KCNS3: variants seen among roughly 807,000 people sequenced by gnomAD.
The protein encoded by KCNS3 is delayed-rectifier potassium channel regulatory subunit KCNS3.
KCNS3 carries 13 observed loss-of-function variants against 31.0 expected under a neutral mutation model. The observed-to-expected ratio is 0.42, with a 90% confidence interval of 0.27 to 0.67. KCNS3 has a LOEUF of 0.67. Ranked by LOEUF, KCNS3 falls within the 30% of genes least tolerant of loss-of-function variation. KCNS3 has a pLI of 0.25. For synonymous variants in KCNS3, 238 were observed against 241.5 expected (o/e 0.99, Z 0.13); for missense variants, 545 against 622.4 (o/e 0.88, Z 1.32).
intron 1 of KCNS3, among the ~76,000 whole-genome samples, chr2:17,889,224 C>T (rs542593443): frequency 4.6e-5 from 7 of 151,880 alleles, no homozygotes; most frequent in African/African-American, 9.6e-5. Flanking sequence ...TTTGATTCTC[C>T]GCTTGGTCGC....
At chr2:17,929,814 G>T (rs1662914801) in intron 2 of KCNS3, among the ~76,000 whole-genome samples, 1 of 152,192 alleles carries the variant, frequency 6.6e-6, no homozygotes, top group South Asian at 2.1e-4. Flanking sequence ...TTCAACCTGG[G>T]TTTAAATCTT....
At chr2:17,916,896 T>C (rs1662604278) in intron 1 of KCNS3, among the ~76,000 whole-genome samples, 2 of 151,964 alleles carry the variant, frequency 1.3e-5, no homozygotes, top group South Asian at 4.2e-4. Context: ...CTTTTGGACC[T>C]GGTGTGGATT....
At chr2:17,929,449 ACT>A (rs745326554) in intron 2 of KCNS3, among the ~76,000 whole-genome samples, 3 of 152,040 alleles carry the variant, frequency 2.0e-5, no homozygotes, top group Non-Finnish European at 4.4e-5. Flanking sequence ...TCTCATGAGA[ACT>A]CTGTCACGAG....
chr2:17,899,251 A>C (rs1219194155), intron 1 of KCNS3, among the ~76,000 whole-genome samples: 9 of 152,188 alleles, frequency 5.9e-5, no homozygotes, highest in African/African-American at 2.2e-4. Flanking sequence ...AAACAAAACA[A>C]AACAAAAAAA....
intron 1 of KCNS3, among the ~76,000 whole-genome samples, chr2:17,892,163 T>G (rs374606803): frequency 6.2e-4 from 94 of 152,246 alleles, no homozygotes; most frequent in African/African-American, 2.2e-3. Context: ...TTGGGTTAAT[T>G]CGAAGACCTT....
At chr2:17,908,144 A>T (rs1430294990) in intron 1 of KCNS3, among the ~76,000 whole-genome samples, 1 of 152,148 alleles carries the variant, frequency 6.6e-6, no homozygotes, top group African/African-American at 2.4e-5. Context: ...TATTTCTTGG[A>T]GGCTTTGTTC....
At chr2:17,886,742 GTCCATCCA>G (rs35391429) in intron 1 of KCNS3, among the ~76,000 whole-genome samples, 12 of 146,820 alleles carry the variant, frequency 8.2e-5, no homozygotes, top group African/African-American at 1.8e-4. Flanking sequence ...CCATTTAAAT[GTCCATCCA>G]TCCATCCATC....
chr2:17,892,825 T>G (rs1414965493), intron 1 of KCNS3, among the ~76,000 whole-genome samples: 1 of 152,210 alleles, frequency 6.6e-6, no homozygotes, highest in South Asian at 2.1e-4. Context: ...CAGTGCCTGT[T>G]GCAGTGGAGG....
chr2:17,888,025 G>GTT (rs138099414), intron 1 of KCNS3, among the ~76,000 whole-genome samples: 23 of 151,364 alleles, frequency 1.5e-4, no homozygotes, highest in African/African-American at 5.1e-4. Context: ...GGGATTTTTT[G>GTT]TTTTTTTTGT....
chr2:17,904,303 GTTGT>G (rs201622423), intron 1 of KCNS3, among the ~76,000 whole-genome samples: 31,881 of 151,438 alleles, frequency 0.21, 3,625 homozygotes, highest in East Asian at 0.45. Context: ...TGTTGATGGG[GTTGT>G]TTGTTTTTTT....
chr2:17,929,399 GA>G (rs1245856633), intron 2 of KCNS3, among the ~76,000 whole-genome samples: 1 of 152,206 alleles, frequency 6.6e-6, no homozygotes, highest in Non-Finnish European at 1.5e-5. Flanking sequence ...GAGAGAGAGA[GA>G]GTGAAGGGGG....
intron 1 of KCNS3, among the ~76,000 whole-genome samples, chr2:17,888,904 A>G (rs987579912): frequency 1.3e-5 from 2 of 151,728 alleles, no homozygotes; most frequent in Non-Finnish European, 2.9e-5. Flanking sequence ...TGCTTTGGTT[A>G]TATGGGCTCT....
chr2:17,931,212 C>T lies in KCNS3; in HGVS notation c.204C>T (p.Tyr68=). The change falls in exon 3 of 3, where the codon TAC becomes TAT. Residue 68 remains tyrosine, a synonymous_variant. Coordinates refer to ENST00000304101, the MANE Select transcript of KCNS3 (RefSeq NM_002252.5). The surrounding 1 kb of genome is among the most constrained non-coding windows in gnomAD (Gnocchi z 5.4). The part of the protein sequence containing the change: ...DDYSVADKEY[Y]FDRNPSLFRY... ...ACAGTGTGGCCGATAAGGAGTACTA[C>T]TTTGATCGGAATCCCTCCTTGTTCA... 4 of 1,614,120 alleles carry T rather than the reference C, an allele frequency of 2.5e-6. No homozygotes were observed. The highest frequency in any genetic ancestry group is 3.4e-6 in the Non-Finnish European group (4 of 1,180,002).
chr2:17,928,275 T>C (rs542844010), intron 2 of KCNS3, among the ~76,000 whole-genome samples: 3 of 152,298 alleles, frequency 2.0e-5, no homozygotes, highest in African/African-American at 7.2e-5. Context: ...CTTTGTTTTG[T>C]TTAAGTTTTG....
intron 1 of KCNS3, among the ~76,000 whole-genome samples, chr2:17,915,794 A>G (rs1662575605): frequency 6.6e-6 from 1 of 152,226 alleles, no homozygotes; most frequent in African/African-American, 2.4e-5. Flanking sequence ...ATAAATTCAT[A>G]ACAAGAGATA....
chr2:17,904,841 C>CATGCTG (rs1358454953), intron 1 of KCNS3, among the ~76,000 whole-genome samples: 2 of 152,090 alleles, frequency 1.3e-5, no homozygotes, highest in East Asian at 3.8e-4. Context: ...GTACCAGTAC[C>CATGCTG]ATGCTGTTTT....
intron 1 of KCNS3, among the ~76,000 whole-genome samples, chr2:17,887,721 C>T (rs563972722): frequency 2.0e-5 from 3 of 148,724 alleles, no homozygotes; most frequent in South Asian, 4.3e-4. Context: ...AATGGTAGTT[C>T]TACTTTTAGT....
chr2:17,891,622 G>A (rs1661857839), intron 1 of KCNS3, among the ~76,000 whole-genome samples: 1 of 152,130 alleles, frequency 6.6e-6, no homozygotes, highest in Admixed American at 6.5e-5. Context: ...TGGTGGCTTG[G>A]TAATGGCGAA....
At chr2:17,917,642 C>T (rs1454776681) in intron 1 of KCNS3, 38 bp from the exon 2 acceptor site, 2 of 152,580 alleles carry the variant, frequency 1.3e-5, no homozygotes, top group Admixed American at 1.3e-4. Flanking sequence ...TGTATTTCTT[C>T]CTTGCAGTTA....
Sources: allele counts gnomAD v4.1 joint callset (sites outside exome capture counted in the v4.1 genomes callset), GRCh38; gene constraint gnomAD v4.1.1; non-coding constraint Gnocchi (gnomAD v3.1); transcripts MANE v1.5; gene names NCBI Gene and HGNC (gene_info 2026-07-23, HGNC 2026-07-21).